Variants in RILPL1 observed in about 807,000 individuals in gnomAD.
The protein encoded by RILPL1 is Rab interacting lysosomal protein like 1, also known as RILP-like protein 1.
RILPL1 carries 33 observed loss-of-function variants against 50.3 expected under a neutral mutation model. That is an observed-to-expected ratio of 0.66 (90% CI 0.50 to 0.88). The LOEUF is 0.88. Ranked by LOEUF, RILPL1 falls within the 40% of genes least tolerant of loss-of-function variation. The pLI is 0.00. For missense variants in RILPL1, 418 were observed against 542.5 expected (o/e 0.77, Z 2.28); for synonymous variants, 205 against 228.6 (o/e 0.90, Z 0.93).
At chr12:123,503,186 CTTTTT>C (rs373514624) in intron 2 of RILPL1, among the ~76,000 whole-genome samples, 18 of 80,728 alleles carry the variant, frequency 2.2e-4, no homozygotes, top group African/African-American at 8.4e-4. Flanking sequence ...CACGCCTGGC[CTTTTT>C]TTTTTTTTTT....
chr12:123,503,186 CT>C (rs373514624), intron 2 of RILPL1, among the ~76,000 whole-genome samples: 51 of 80,696 alleles, frequency 6.3e-4, no homozygotes, highest in African/African-American at 1.7e-3. Context: ...CACGCCTGGC[CT>C]TTTTTTTTTT....
intron 2 of RILPL1, among the ~76,000 whole-genome samples, chr12:123,513,094 G>T (rs1475893553): frequency 6.7e-6 from 1 of 149,006 alleles, no homozygotes; most frequent in Non-Finnish European, 1.5e-5. Context: ...GTGAGTGCGT[G>T]TATGTCTGTG....
Position 123,498,064 on chromosome 12 carries a change from C to G in RILPL1, c.801+480G>C, listed in dbSNP as rs148051110. Among the ~76,000 whole-genome samples, 231 of 152,330 alleles carry G rather than the reference C, an allele frequency of 1.5e-3. No homozygotes were observed. Among genetic ancestry groups the G allele is most frequent in the Non-Finnish European group, 2.5e-3 (170 of 68,042 alleles). ...TCCTCTGGGCCGGCTACACAGTCAACAATCATTGGTATGAATGAATAAATA... is the reference window on the plus strand; with the variant it reads ...TCCTCTGGGCCGGCTACACAGTCAAGAATCATTGGTATGAATGAATAAATA... On this transcript the variant is annotated intron_variant, in intron 4 of 6. Transcript: ENST00000376874. The surrounding 1 kb of genome is among the most constrained non-coding windows in gnomAD (Gnocchi z 4.3).
At chr12:123,517,148 G>A (rs1013041585) in intron 2 of RILPL1, among the ~76,000 whole-genome samples, 1 of 152,158 alleles carries the variant, frequency 6.6e-6, no homozygotes, top group African/African-American at 2.4e-5. Context: ...ACACGGAGGA[G>A]AACGTTTGGC....
intron 2 of RILPL1, chr12:123,513,776 A>G (rs73412285): frequency 0.11 from 16,460 of 152,228 alleles, 2,275 homozygotes; most frequent in African/African-American, 0.32. Context: ...TAAAAGCTGG[A>G]AGAGTTGTGA....
chr12:123,512,329 T>C (rs1287616445), intron 2 of RILPL1, among the ~76,000 whole-genome samples: 1 of 112,974 alleles, frequency 8.9e-6, no homozygotes, highest in African/African-American at 3.5e-5. Context: ...ATGTGAGGTC[T>C]CTGTGTGGTG....
At chr12:123,495,664 G>A (rs373003540) in intron 4 of RILPL1, among the ~76,000 whole-genome samples, 5 of 138,872 alleles carry the variant, frequency 3.6e-5, no homozygotes, top group African/African-American at 1.4e-4. Flanking sequence ...GTGAGCCACC[G>A]CACCTGGCCC....
At chr12:123,482,813 G>C (rs1882084243) in intron 6 of RILPL1, among the ~76,000 whole-genome samples, 1 of 151,884 alleles carries the variant, frequency 6.6e-6, no homozygotes, top group African/African-American at 2.4e-5. Context: ...ATGTTGCCCA[G>C]GTTGGTCTTG....
chr12:123,485,523 AAC>A lies in RILPL1; in HGVS notation c.974+108_974+109del, dbSNP rs1882267934. On this transcript the variant is annotated intron_variant, in intron 5 of 6. Transcript: ENST00000376874. The surrounding 1 kb of genome is among the most constrained non-coding windows in gnomAD (Gnocchi z 4.0). ...TAGGCCAGAGAGGGTACCCAAAAAAAACACTGATGAAATGCTTGTCTTCCAGG... is the reference window on the plus strand; with the variant it reads ...TAGGCCAGAGAGGGTACCCAAAAAAAACTGATGAAATGCTTGTCTTCCAGG... 9.4e-7 allele frequency: 1 copy of A among 1,066,236 alleles called. No individual in the cohort carries two copies. The highest frequency in any genetic ancestry group is 2.7e-5 in the Admixed American group (1 of 36,598). 66.0% of individuals were successfully genotyped at this position (1,066,236 alleles called of 1,614,324 possible). A position where few individuals can be genotyped will look rare whatever the true frequency, so the allele number is the denominator to read the frequency against.
chr12:123,480,867 A>T (rs1490803215), intron 6 of RILPL1, among the ~76,000 whole-genome samples: 1 of 152,132 alleles, frequency 6.6e-6, no homozygotes, highest in African/African-American at 2.4e-5. Flanking sequence ...CCCTACTTTC[A>T]GGCCACTTGA....
chr12:123,493,958 A>C (rs1882860702), intron 4 of RILPL1, among the ~76,000 whole-genome samples: 1 of 151,538 alleles, frequency 6.6e-6, no homozygotes, highest in African/African-American at 2.4e-5. Flanking sequence ...CTTTTTTTGT[A>C]TATTTAGTAG....
intron 6 of RILPL1, among the ~76,000 whole-genome samples, chr12:123,479,469 A>C (rs1215904711): frequency 6.6e-6 from 1 of 152,080 alleles, no homozygotes; most frequent in African/African-American, 2.4e-5. Context: ...AGGAGGAATG[A>C]AGGATGGAAG....
chr12:123,513,089 T>G (rs1457398754), intron 2 of RILPL1, among the ~76,000 whole-genome samples: 2 of 145,392 alleles, frequency 1.4e-5, no homozygotes, highest in Non-Finnish European at 3.0e-5. Flanking sequence ...GCAGTGTGAG[T>G]GCGTGTATGT....
At chr12:123,520,732 C>T (rs1458124187) in intron 2 of RILPL1, among the ~76,000 whole-genome samples, 1 of 152,174 alleles carries the variant, frequency 6.6e-6, no homozygotes, top group African/African-American at 2.4e-5. Context: ...TGCCTCCCTG[C>T]CCTGCCTCCA....
intron 2 of RILPL1, among the ~76,000 whole-genome samples, chr12:123,504,000 CAAAAA>C (rs552223986): frequency 1.9e-5 from 2 of 104,566 alleles, no homozygotes; most frequent in Non-Finnish European, 2.0e-5. Flanking sequence ...GACTCTATCT[CAAAAA>C]AAAAAAAAAA....
chr12:123,488,444 CA>C (rs542226782), intron 4 of RILPL1, among the ~76,000 whole-genome samples: 9,640 of 76,944 alleles, frequency 0.13, 956 homozygotes, highest in African/African-American at 0.33. Flanking sequence ...GACCCTGTCT[CA>C]AAAAAAAAAA....
At chr12:123,515,004 C>T (rs537819164) in intron 2 of RILPL1, among the ~76,000 whole-genome samples, 25 of 151,780 alleles carry the variant, frequency 1.6e-4, no homozygotes, top group African/African-American at 6.0e-4. Flanking sequence ...AATCAAGGCT[C>T]ACTGCAGCCT....
chr12:123,475,658 C>T (rs1881536637), intron 6 of RILPL1: 6 of 1,574,304 alleles, frequency 3.8e-6, no homozygotes, highest in East Asian at 2.2e-5. Context: ...ACACACAGTG[C>T]CTACAAGGGA....
intron 6 of RILPL1, among the ~76,000 whole-genome samples, chr12:123,482,635 T>TC (rs1882073720): frequency 1.3e-5 from 2 of 151,200 alleles, no homozygotes; most frequent in South Asian, 4.2e-4. Context: ...TTTTTTTTTT[T>TC]CGAGACAGGG....
Sources: allele counts gnomAD v4.1 joint callset (sites outside exome capture counted in the v4.1 genomes callset), GRCh38; gene constraint gnomAD v4.1.1; non-coding constraint Gnocchi (gnomAD v3.1); transcripts MANE v1.5; gene names NCBI Gene and HGNC (gene_info 2026-07-23, HGNC 2026-07-21).